The following HMBOX1 variants were observed in gnomAD, a reference collection of about 807,000 sequenced individuals.
The protein encoded by HMBOX1 is homeobox containing 1, also known as homeobox-containing protein 1.
In HMBOX1, 14 loss-of-function variants were observed where a neutral mutation model predicts 54.5. That is an observed-to-expected ratio of 0.26 (90% confidence interval 0.17 to 0.40). The LOEUF is 0.40. Ranked by LOEUF, HMBOX1 falls within the 10% of genes least tolerant of loss-of-function variation. HMBOX1 has a pLI of 1.00. For missense variants in HMBOX1, 332 were observed against 514.4 expected, an observed-to-expected ratio of 0.65 and a Z score of 3.43; for synonymous variants, 160 against 181.0, an observed-to-expected ratio of 0.88 and a Z score of 0.93.
intron 4 of HMBOX1, among the ~76,000 whole-genome samples, chr8:28,982,139 G>C: frequency 6.6e-6 from 1 of 152,150 alleles, no homozygotes; most frequent in Admixed American, 6.5e-5. Context: ...AGGCTGAGGT[G>C]GGAGAATGGC....
intron 1 of HMBOX1, among the ~76,000 whole-genome samples, chr8:28,903,416 A>G (rs1193872538): frequency 6.6e-6 from 1 of 152,250 alleles, no homozygotes; most frequent in Non-Finnish European, 1.5e-5. Context: ...GAATGGGACT[A>G]AGAAGGCAAG....
intron 6 of HMBOX1, among the ~76,000 whole-genome samples, chr8:29,036,803 T>C (rs1402852061): frequency 6.6e-6 from 1 of 152,240 alleles, no homozygotes; most frequent in East Asian, 1.9e-4. Flanking sequence ...TTATAAGTCA[T>C]GTGACCTTGA....
intron 2 of HMBOX1, 144 bp downstream of exon 2, chr8:28,964,034 A>G (rs77955257): frequency 1.6e-5 from 9 of 575,840 alleles, no homozygotes; most frequent in African/African-American, 5.6e-5. Flanking sequence ...TGTTATACCT[A>G]TTTGACATTA....
At chr8:28,921,687 C>G (rs1424067799) in intron 1 of HMBOX1, among the ~76,000 whole-genome samples, 1 of 152,102 alleles carries the variant, frequency 6.6e-6, no homozygotes. Flanking sequence ...ATTTGAAGTA[C>G]AGAACATATA....
rs117019803 is a variant in HMBOX1, at chr8:28,957,057, G to A, written c.-57-6754G>A. Among the ~76,000 whole-genome samples the A allele has an allele frequency of 9.3e-4, 142 of 152,270 alleles. 2 individuals carry two copies. Among genetic ancestry groups the A allele is most frequent in the Non-Finnish European group, 1.6e-3 (110 of 68,022 alleles). On this transcript the variant is annotated intron_variant, in intron 1 of 9. Transcript: ENST00000287701. Reference sequence around the variant, plus strand: ...TCAAAGAACCAACAATGGCCTGGGCGTGGAGGGTATAAACCCAAAGGAAAA... The same window carrying A: ...TCAAAGAACCAACAATGGCCTGGGCATGGAGGGTATAAACCCAAAGGAAAA...
intron 1 of HMBOX1, among the ~76,000 whole-genome samples, chr8:28,957,235 A>C (rs949673129): frequency 7.2e-5 from 11 of 152,258 alleles, no homozygotes; most frequent in Non-Finnish European, 1.5e-4. Context: ...CCATAAAAAA[A>C]GAACAAAATC....
chr8:29,029,563 T>G (rs1802589607), intron 6 of HMBOX1, among the ~76,000 whole-genome samples: 1 of 152,238 alleles, frequency 6.6e-6, no homozygotes, highest in African/African-American at 2.4e-5. Context: ...TGGTCACCAT[T>G]ACTGCAAAGA....
At chr8:28,913,993 C>T (rs1585745716) in intron 1 of HMBOX1, among the ~76,000 whole-genome samples, 1 of 151,914 alleles carries the variant, frequency 6.6e-6, no homozygotes, top group African/African-American at 2.4e-5. Context: ...GCCCCAGCCT[C>T]CCAAGTAGAT....
intron 1 of HMBOX1, among the ~76,000 whole-genome samples, chr8:28,918,767 TAGTA>T (rs148059439): frequency 0.081 from 12,349 of 152,218 alleles, 637 homozygotes; most frequent in South Asian, 0.24. Context: ...TATTTTAAAG[TAGTA>T]AGTATCACTG....
intron 4 of HMBOX1, among the ~76,000 whole-genome samples, chr8:28,998,054 A>G (rs183263961): frequency 3.9e-5 from 6 of 152,262 alleles, no homozygotes; most frequent in Admixed American, 1.3e-4. Flanking sequence ...TCTTTGTGGG[A>G]AGATGTTTGA....
chr8:28,983,192 C>G (rs1829677820), intron 4 of HMBOX1, among the ~76,000 whole-genome samples: 1 of 152,218 alleles, frequency 6.6e-6, no homozygotes, highest in Non-Finnish European at 1.5e-5. Context: ...CATTTCTACT[C>G]CAAAAGCTTG....
chr8:28,907,461 C>T (rs1814553815), intron 1 of HMBOX1, among the ~76,000 whole-genome samples: 3 of 152,164 alleles, frequency 2.0e-5, no homozygotes, highest in Admixed American at 1.3e-4. Flanking sequence ...ATTTGAATTA[C>T]TTCCTTTTTA....
chr8:28,955,006 T>C (rs957702610), intron 1 of HMBOX1, among the ~76,000 whole-genome samples: 1 of 152,178 alleles, frequency 6.6e-6, no homozygotes, highest in Non-Finnish European at 1.5e-5. Flanking sequence ...TGATTATGTT[T>C]TTCTTCAGAG....
At chr8:28,957,034 AAAGAACCAAC>A (rs1824582421) in intron 1 of HMBOX1, among the ~76,000 whole-genome samples, 1 of 152,226 alleles carries the variant, frequency 6.6e-6, no homozygotes, top group African/African-American at 2.4e-5. Flanking sequence ...GAGAGTCCTC[AAAGAACCAAC>A]AATGGCCTGG....
intron 6 of HMBOX1, among the ~76,000 whole-genome samples, chr8:29,031,669 C>T (rs997886466): frequency 1.3e-4 from 19 of 152,000 alleles, no homozygotes; most frequent in African/African-American, 4.6e-4. Flanking sequence ...ACTTTAATAA[C>T]CATACCTATC....
chr8:28,991,859 T>C (rs920039006), intron 4 of HMBOX1, among the ~76,000 whole-genome samples: 2 of 152,220 alleles, frequency 1.3e-5, no homozygotes, highest in Non-Finnish European at 2.9e-5. Context: ...CTGCACCCTC[T>C]TAGCTAACCT....
chr8:28,899,587 A>T (rs1322847643), intron 1 of HMBOX1, among the ~76,000 whole-genome samples: 1 of 152,256 alleles, frequency 6.6e-6, no homozygotes, highest in African/African-American at 2.4e-5. Flanking sequence ...TGGCAACAAA[A>T]GAATTGACAT....
chr8:28,956,456 C>T (rs1291577124), intron 1 of HMBOX1, among the ~76,000 whole-genome samples: 1 of 151,868 alleles, frequency 6.6e-6, no homozygotes, highest in Non-Finnish European at 1.5e-5. Flanking sequence ...TTATTTTTTA[C>T]ATTTGTCTTT....
intron 1 of HMBOX1, among the ~76,000 whole-genome samples, chr8:28,905,971 A>G (rs1243925925): frequency 2.0e-5 from 3 of 152,224 alleles, no homozygotes; most frequent in African/African-American, 7.2e-5. Flanking sequence ...GCGTTTTCAG[A>G]ATATATGCAT....
Sources: gnomAD v4.1 joint callset for allele counts (sites outside exome capture counted in the v4.1 genomes callset) on GRCh38, gnomAD v4.1.1 for gene constraint, MANE v1.5 for transcripts, NCBI Gene and HGNC (gene_info 2026-07-23, HGNC 2026-07-21) for gene names.